PTPRD: variants seen among roughly 807,000 people sequenced by gnomAD.
PTPRD encodes protein tyrosine phosphatase receptor type D.
PTPRD carries 34 observed loss-of-function variants against 214.5 expected under a neutral mutation model. That is an observed-to-expected ratio of 0.16 (90% confidence interval 0.12 to 0.21). PTPRD has a LOEUF of 0.21. Ranked by LOEUF, PTPRD falls within the 10% of genes least tolerant of loss-of-function variation. PTPRD has a pLI of 1.00. For synonymous variants in PTPRD, 1,128 were observed against 845.7 expected (o/e 1.33, Z -5.79); for missense variants, 2,545 against 2,398.7 (o/e 1.06, Z -1.27).
intron 4 of PTPRD, among the ~76,000 whole-genome samples, chr9:10,028,924 C>T (rs1329901216): frequency 2.0e-5 from 3 of 152,152 alleles, no homozygotes. Context: ...ACAGCAACTC[C>T]TGCCATCACA....
chr9:9,335,956 G>C (rs1422748529), intron 9 of PTPRD, among the ~76,000 whole-genome samples: 1 of 151,160 alleles, frequency 6.6e-6, no homozygotes, highest in African/African-American at 2.4e-5. Context: ...TCATAAACTT[G>C]GATAAAATAA....
At chr9:9,831,805 T>C (rs2153605490) in intron 5 of PTPRD, among the ~76,000 whole-genome samples, 1 of 152,138 alleles carries the variant, frequency 6.6e-6, no homozygotes, top group African/African-American at 2.4e-5. Context: ...GGTGGAGGGA[T>C]GTATTTTTAG....
intron 2 of PTPRD, among the ~76,000 whole-genome samples, chr9:10,483,876 A>C (rs1300107747): frequency 6.6e-6 from 1 of 152,198 alleles, no homozygotes; most frequent in African/African-American, 2.4e-5. Flanking sequence ...GAGATTTCTC[A>C]AGGAACTAAA....
At chr9:10,508,667 C>G (rs974633915) in intron 2 of PTPRD, among the ~76,000 whole-genome samples, 16 of 152,042 alleles carry the variant, frequency 1.1e-4, no homozygotes, top group Non-Finnish European at 2.2e-4. Flanking sequence ...AAGCTAGAAA[C>G]CATCATTCTC....
chr9:10,085,275 A>T (rs72694831), intron 3 of PTPRD, among the ~76,000 whole-genome samples: 26,562 of 151,772 alleles, frequency 0.18, 2,810 homozygotes, highest in South Asian at 0.31. Context: ...AAAAAACTAC[A>T]TCAGTGGGGC....
chr9:10,352,888 A>T (rs1220879077), intron 2 of PTPRD, among the ~76,000 whole-genome samples: 2 of 152,078 alleles, frequency 1.3e-5, no homozygotes, highest in African/African-American at 4.8e-5. Flanking sequence ...TAAGCATAAT[A>T]CTGATTCCTA....
intron 2 of PTPRD, among the ~76,000 whole-genome samples, chr9:10,571,437 G>T (rs949198061): frequency 6.6e-6 from 1 of 152,088 alleles, no homozygotes; most frequent in African/African-American, 2.4e-5. Flanking sequence ...TAAATGCTGT[G>T]TTAAATTTTA....
intron 8 of PTPRD, among the ~76,000 whole-genome samples, chr9:9,452,477 G>A (rs1001018084): frequency 4.6e-5 from 7 of 150,950 alleles, no homozygotes; most frequent in African/African-American, 1.7e-4. Flanking sequence ...AAGTAAATAT[G>A]GAAGTATACA....
chr9:8,656,956 G>C (rs934364944), intron 12 of PTPRD, among the ~76,000 whole-genome samples: 1 of 152,094 alleles, frequency 6.6e-6, no homozygotes, highest in Non-Finnish European at 1.5e-5. Context: ...ATTACCAATA[G>C]TAAGTTGTAA....
At chr9:8,865,747 A>G (rs931416482) in intron 11 of PTPRD, among the ~76,000 whole-genome samples, 5 of 152,138 alleles carry the variant, frequency 3.3e-5, no homozygotes, top group Admixed American at 1.3e-4. Context: ...GCCTGGTTAG[A>G]TGTCACGTTA....
chr9:10,170,954 G>T (rs1022440079), intron 3 of PTPRD, among the ~76,000 whole-genome samples: 1 of 152,066 alleles, frequency 6.6e-6, no homozygotes, highest in African/African-American at 2.4e-5. Context: ...TTTTCACCAA[G>T]TCCTTTTCCT....
intron 39 of PTPRD, among the ~76,000 whole-genome samples, chr9:8,367,948 A>G (rs1047790787): frequency 6.6e-6 from 1 of 152,190 alleles, no homozygotes; most frequent in African/African-American, 2.4e-5. Context: ...AGTCTTAGAA[A>G]GATTGTTTAA....
chr9:9,554,689 G>A (rs2081096596), intron 8 of PTPRD, among the ~76,000 whole-genome samples: 1 of 151,960 alleles, frequency 6.6e-6, no homozygotes, highest in Non-Finnish European at 1.5e-5. Flanking sequence ...GTCTTCAAAT[G>A]AATAAGAATC....
chr9:8,909,537 A>T (rs1449129306), intron 11 of PTPRD, among the ~76,000 whole-genome samples: 1 of 152,196 alleles, frequency 6.6e-6, no homozygotes, highest in Non-Finnish European at 1.5e-5. Flanking sequence ...AGTTTTGACA[A>T]ATCAAACACC....
chr9:8,934,449 ATTT>A (rs1236154449), intron 11 of PTPRD, among the ~76,000 whole-genome samples: 11,174 of 47,344 alleles, frequency 0.24, 1,767 homozygotes, highest in Non-Finnish European at 0.28. Flanking sequence ...ATATATATAA[ATTT>A]ATATATATAT....
At chr9:8,816,932 C>G (rs1490858852) in intron 11 of PTPRD, among the ~76,000 whole-genome samples, 1 of 152,174 alleles carries the variant, frequency 6.6e-6, no homozygotes, top group Admixed American at 6.6e-5. Flanking sequence ...TCTTTGCAAA[C>G]CTGTGCTTCA....
intron 8 of PTPRD, among the ~76,000 whole-genome samples, chr9:9,461,953 C>T (rs2093697711): frequency 6.6e-6 from 1 of 152,086 alleles, no homozygotes; most frequent in African/African-American, 2.4e-5. Flanking sequence ...CTTATTCCTC[C>T]TTCCTTGTAT....
chr9:8,613,138 A>T lies in PTPRD; in HGVS notation c.352+20179T>A, dbSNP rs1022724813. 2.4e-4 allele frequency among the ~76,000 whole-genome samples: 36 copies of T among 152,212 alleles called. 1 individual carries two copies. Among genetic ancestry groups the T allele is most frequent in the Admixed American group, 2.4e-3 (36 of 15,282 alleles). On this transcript the variant is annotated intron_variant, in intron 14 of 45. Transcript: ENST00000381196. ...TGCTGGGCAAAGGGTAGGATGTCTT[A>T]GCTCTCCATTACTTCCAACACATAA...
At chr9:9,900,389 A>C (rs934850330) in intron 5 of PTPRD, among the ~76,000 whole-genome samples, 7 of 152,164 alleles carry the variant, frequency 4.6e-5, no homozygotes, top group African/African-American at 1.7e-4. Context: ...GCATGGACCC[A>C]ATTTAGCCAA....
Sources: allele counts gnomAD v4.1 joint callset (sites outside exome capture counted in the v4.1 genomes callset), GRCh38; gene constraint gnomAD v4.1.1; transcripts MANE v1.5; gene names NCBI Gene and HGNC (gene_info 2026-07-23, HGNC 2026-07-21).